The following GRID2 variants were observed in gnomAD, a reference collection of about 807,000 sequenced individuals.
GRID2 encodes glutamate ionotropic receptor delta type subunit 2.
In GRID2, 33 loss-of-function variants were observed where a neutral mutation model predicts 114.8. The ratio of observed to expected loss-of-function variants is 0.29; its 90% confidence interval spans 0.22 to 0.38. GRID2 has a LOEUF of 0.38. Ranked by LOEUF, GRID2 falls within the 10% of genes least tolerant of loss-of-function variation. The pLI is 1.00. For missense variants in GRID2, 1,184 were observed against 1,257.7 expected, an observed-to-expected ratio of 0.94 and a Z score of 0.89; for synonymous variants, 505 against 449.9, an observed-to-expected ratio of 1.12 and a Z score of -1.55.
intron 14 of GRID2, among the ~76,000 whole-genome samples, chr4:93,737,587 G>A (rs1397296194): frequency 1.3e-5 from 2 of 151,982 alleles, no homozygotes; most frequent in African/African-American, 4.8e-5. Flanking sequence ...AAAATAAAAT[G>A]AGTGTCTGTT....
At chr4:92,452,864 T>C (rs1721004699) in intron 1 of GRID2, among the ~76,000 whole-genome samples, 1 of 148,054 alleles carries the variant, frequency 6.8e-6, no homozygotes, top group African/African-American at 2.5e-5. Context: ...TTACCATATA[T>C]ATTTTTTTAC....
rs1461686342 is a variant in GRID2, at chr4:92,491,201, T to C, written c.89-98930T>C. Among the ~76,000 whole-genome samples, 6 of 152,278 alleles carry C rather than the reference T, an allele frequency of 3.9e-5. No homozygotes were observed. In the East Asian group the frequency reaches 1.2e-3, roughly 29 times the overall value. ...ATAAATGGCTGGATAAGAACATTTA[T>C]TTGTAAACCTTTGGAAGGAGACTTT... On this transcript the variant is annotated intron_variant, in intron 1 of 15. Transcript: ENST00000282020.
chr4:92,498,776 T>A (rs1273984449), intron 1 of GRID2, among the ~76,000 whole-genome samples: 1 of 151,812 alleles, frequency 6.6e-6, no homozygotes, highest in African/African-American at 2.4e-5. Flanking sequence ...CAAACACATA[T>A]TCCTTCAGAA....
intron 1 of GRID2, among the ~76,000 whole-genome samples, chr4:92,421,191 T>G (rs951317552): frequency 1.5e-4 from 23 of 152,086 alleles, no homozygotes; most frequent in African/African-American, 4.6e-4. Context: ...CATGGTTATT[T>G]AAATTATTTG....
At chr4:93,803,797 T>A (rs1274239358) in intron 1 of GRID2, among the ~76,000 whole-genome samples, 1 of 152,224 alleles carries the variant, frequency 6.6e-6, no homozygotes, top group African/African-American at 2.4e-5. Flanking sequence ...GTTCCTTTTT[T>A]AAAATTGCTT....
intron 14 of GRID2, among the ~76,000 whole-genome samples, chr4:93,705,065 G>C (rs1024177065): frequency 6.6e-6 from 1 of 151,944 alleles, no homozygotes; most frequent in Non-Finnish European, 1.5e-5. Context: ...TTACATTCCC[G>C]CTAACAGTGT....
chr4:92,612,788 T>C (rs1195156663), intron 2 of GRID2, among the ~76,000 whole-genome samples: 1 of 151,510 alleles, frequency 6.6e-6, no homozygotes, highest in Non-Finnish European at 1.5e-5. Context: ...TGAAAACTTA[T>C]GGCCATGAGG....
chr4:92,720,699 T>G (rs563364966), intron 2 of GRID2, among the ~76,000 whole-genome samples: 7 of 152,202 alleles, frequency 4.6e-5, no homozygotes, highest in Non-Finnish European at 7.4e-5. Context: ...TATAATAACC[T>G]AATATATATG....
At chr4:92,986,071 A>G (rs1169339566) in intron 2 of GRID2, among the ~76,000 whole-genome samples, 1 of 152,152 alleles carries the variant, frequency 6.6e-6, no homozygotes, top group Admixed American at 6.5e-5. Flanking sequence ...GGTAAAATTG[A>G]TTTTTATATT....
intron 1 of GRID2, among the ~76,000 whole-genome samples, chr4:92,587,605 A>C (rs1410057131): frequency 2.6e-5 from 4 of 152,186 alleles, no homozygotes; most frequent in African/African-American, 9.6e-5. Context: ...ATGTTGGATA[A>C]GATTTTCTGT....
At chr4:92,963,001 G>T (rs1407036612) in intron 2 of GRID2, among the ~76,000 whole-genome samples, 1 of 151,966 alleles carries the variant, frequency 6.6e-6, no homozygotes, top group Non-Finnish European at 1.5e-5. Context: ...ACATATCAAA[G>T]TTATGTTTCC....
chr4:93,751,969 ATTCT>A (rs1732358886), intron 14 of GRID2, among the ~76,000 whole-genome samples: 1 of 147,550 alleles, frequency 6.8e-6, no homozygotes, highest in Non-Finnish European at 1.5e-5. Context: ...ACACCTGAAC[ATTCT>A]TTTTTTTTTT....
At chr4:93,189,181 T>G (rs1477545689) in intron 4 of GRID2, among the ~76,000 whole-genome samples, 1 of 152,172 alleles carries the variant, frequency 6.6e-6, no homozygotes, top group Non-Finnish European at 1.5e-5. Context: ...AATTCTGTGT[T>G]TGTCAGTTTG....
chr4:93,106,654 C>A (rs929904070), intron 3 of GRID2, among the ~76,000 whole-genome samples: 1 of 152,194 alleles, frequency 6.6e-6, no homozygotes, highest in African/African-American at 2.4e-5. Context: ...TTACACACAG[C>A]AGCTCATAAA....
In GRID2 at chr4:92,907,890, G is replaced by C. The variant is rs907741809; in HGVS notation, c.245-177105G>C. ...ACACAAAAATTAGCTGGATGTGTTA[G>C]GGTGCGCTTACAATCCCAGCTACTC... On this transcript the variant is annotated intron_variant, in intron 2 of 15. Transcript: ENST00000282020. 8.5e-5 allele frequency among the ~76,000 whole-genome samples: 13 copies of C among 152,156 alleles called. No individual in the cohort carries two copies. In the East Asian group the frequency reaches 2.5e-3, roughly 30 times the overall value.
intron 10 of GRID2, among the ~76,000 whole-genome samples, chr4:93,448,666 T>A (rs1309566276): frequency 6.6e-6 from 1 of 152,008 alleles, no homozygotes; most frequent in Non-Finnish European, 1.5e-5. Flanking sequence ...AATCATCATG[T>A]TAAACAACTG....
intron 2 of GRID2, among the ~76,000 whole-genome samples, chr4:92,622,896 G>C (rs994577837): frequency 6.6e-6 from 1 of 151,714 alleles, no homozygotes. Flanking sequence ...GAATTATTAA[G>C]TCATGGCATT....
chr4:92,309,159 A>C (rs189975108), intron 1 of GRID2, among the ~76,000 whole-genome samples: 19 of 152,156 alleles, frequency 1.2e-4, no homozygotes, highest in African/African-American at 4.1e-4. Flanking sequence ...TTGATTTATT[A>C]AAAAATAAAA....
intron 1 of GRID2, among the ~76,000 whole-genome samples, chr4:92,553,344 T>C (rs1328543861): frequency 6.6e-6 from 1 of 152,186 alleles, no homozygotes; most frequent in East Asian, 1.9e-4. Context: ...GGATAATTCA[T>C]ATAAAAGCTG....
Sources: gnomAD v4.1 joint callset for allele counts (sites outside exome capture counted in the v4.1 genomes callset) on GRCh38, gnomAD v4.1.1 for gene constraint, MANE v1.5 for transcripts, NCBI Gene and HGNC (gene_info 2026-07-23, HGNC 2026-07-21) for gene names.